The following UFD1 variants were observed in gnomAD, a reference collection of about 807,000 sequenced individuals.
The protein encoded by UFD1 is ubiquitin recognition factor in ER-associated degradation protein 1.
A neutral mutation model predicts 45.9 loss-of-function variants in UFD1; 13 were observed. The ratio of observed to expected loss-of-function variants is 0.28; its 90% CI spans 0.18 to 0.45. The LOEUF is 0.45. Ranked by LOEUF, UFD1 falls within the 20% of genes least tolerant of loss-of-function variation. The probability of loss-of-function intolerance (pLI) is 1.00; values close to 1 mark genes in which losing one functional copy is unlikely to be tolerated. For missense variants in UFD1, 218 were observed against 389.2 expected (o/e 0.56, Z 3.70); for synonymous variants, 128 against 139.2 (o/e 0.92, Z 0.56).
intron 7 of UFD1, among the ~76,000 whole-genome samples, chr22:19,457,504 C>G (rs1169962927): frequency 6.6e-6 from 1 of 152,164 alleles, no homozygotes; most frequent in East Asian, 1.9e-4. Context: ...AGTACGCTTC[C>G]TTAGCTCTTA....
In UFD1 at chr22:19,467,980, T is replaced by C. The variant is rs1033857176; in HGVS notation, c.315A>G (p.Glu105=). ...TCTCCACCTGGACCAGGCCGCCTTC[T>C]TCCAAGAGTAAGTTCTGCATCATCT... ...PHWMMQNLLL[E]EGGLVQVESV... is the part of the protein sequence containing the mutation. The change falls in exon 5 of 12, where the codon GAA becomes GAG. Residue 105 remains glutamate (E), a synonymous_variant. Coordinates refer to ENST00000263202, the MANE Select transcript of UFD1 (RefSeq NM_005659.7). The C allele has an allele frequency of 1.9e-6, 3 of 1,614,182 alleles. No individual in the cohort carries two copies. The highest frequency in any genetic ancestry group is 3.3e-5 in the Admixed American group (2 of 60,026).
chr22:19,470,741 C>T, intron 4 of UFD1: 1 of 456,504 alleles, frequency 2.2e-6, no homozygotes, highest in South Asian at 1.5e-5. Context: ...CGTACCTGGC[C>T]AGAATTTCAA....
intron 3 of UFD1, 73 bp from the exon 4 acceptor site, chr22:19,471,881 G>C: frequency 1.9e-6 from 3 of 1,553,324 alleles, no homozygotes; most frequent in Non-Finnish European, 2.6e-6. Flanking sequence ...CCTTCCCATA[G>C]AAGGAGCCTC....
In UFD1 at chr22:19,455,717, G is replaced by T. The variant is rs753377440; in HGVS notation, c.730C>A (p.Pro244Thr). Residue 244 changes from proline (P) to threonine (T), a missense_variant, in exon 10 of 12, where the codon CCC becomes ACC. Pro to Thr is a conservative substitution (Grantham distance 38, BLOSUM62 -1). Around this residue, in one of 2 missense-constraint regions of UFD1, gnomAD observed 69 missense variants for 81.7 expected, o/e 0.84. Transcript: ENST00000263202. Reference protein sequence around the residue: ...RLDGKKKGVEPSPSPIKPGDI... With the variant: ...RLDGKKKGVETSPSPIKPGDI... Reference sequence around the variant, plus strand: ...CCAGGCTTGATTGGGGAGGGGCTGGGCTCTACCCCTTTCTTCTTTCCATCC... The same window carrying T: ...CCAGGCTTGATTGGGGAGGGGCTGGTCTCTACCCCTTTCTTCTTTCCATCC... 7 of 1,614,080 alleles carry T rather than the reference G, an allele frequency of 4.3e-6. No individual in the cohort carries two copies. The highest frequency in any genetic ancestry group is 5.9e-6 in the Non-Finnish European group (7 of 1,179,978).
chr22:19,464,668 AC>A (rs1270670237), intron 6 of UFD1, among the ~76,000 whole-genome samples: 1 of 152,246 alleles, frequency 6.6e-6, no homozygotes, highest in Non-Finnish European at 1.5e-5. Flanking sequence ...CTAAGTGAAA[AC>A]GGAAGCTGAA....
At chr22:19,455,847 G>A (rs574909837) in intron 9 of UFD1, 79 bp from the exon 10 acceptor site, 285 of 1,369,306 alleles carry the variant, frequency 2.1e-4, no homozygotes, top group Middle Eastern at 1.3e-3. Flanking sequence ...TCACTGCAGG[G>A]ATGTGAGCTG....
At chr22:19,460,356 T>C (rs770650612) in intron 6 of UFD1, among the ~76,000 whole-genome samples, 3 of 152,208 alleles carry the variant, frequency 2.0e-5, no homozygotes, top group Non-Finnish European at 4.4e-5. Flanking sequence ...CCAACAGGGC[T>C]GCAAGCAGAA....
At chr22:19,471,033 G>A (rs936359149) in intron 4 of UFD1, among the ~76,000 whole-genome samples, 1 of 152,234 alleles carries the variant, frequency 6.6e-6, no homozygotes, top group Non-Finnish European at 1.5e-5. Flanking sequence ...AAGGAGCCAA[G>A]TGGGCCACAG....
intron 6 of UFD1, among the ~76,000 whole-genome samples, chr22:19,458,456 T>C (rs532004266): frequency 5.3e-4 from 80 of 152,254 alleles, no homozygotes; most frequent in Non-Finnish European, 2.2e-4. Context: ...TTTATTTATT[T>C]ATTTTTAGAC....
intron 11 of UFD1, chr22:19,453,829 G>C: frequency 2.0e-6 from 2 of 985,490 alleles, no homozygotes; most frequent in Non-Finnish European, 2.4e-6. Context: ...GTCCTGAATG[G>C]GTGGCTCAGT....
At chr22:19,464,295 G>C (rs780936427) in intron 6 of UFD1, among the ~76,000 whole-genome samples, 10 of 152,326 alleles carry the variant, frequency 6.6e-5, no homozygotes, top group Non-Finnish European at 1.2e-4. Flanking sequence ...TAGCTTCAGG[G>C]AAAGCCCAGC....
At chr22:19,471,854 C>T in intron 3 of UFD1, 46 bp from the exon 4 acceptor site, 1 of 1,589,950 alleles carries the variant, frequency 6.3e-7, no homozygotes, top group Admixed American at 1.7e-5. Flanking sequence ...TATGAAGGGA[C>T]ACCTGTTCGG....
Position 19,450,159 on chromosome 22 carries a change from A to G in UFD1, c.*511T>C, listed in dbSNP as rs776196696. On this transcript the variant is annotated 3_prime_UTR_variant, in exon 12 of 12. Coordinates refer to ENST00000263202, the MANE Select transcript of UFD1 (RefSeq NM_005659.7). ...AAAAATATGTAAAATAAAAATAGAA[A>G]CATTCTTTGTCAAATACTTAAATTG... 3 of 152,560 alleles carry G rather than the reference A, an allele frequency of 2.0e-5. No homozygotes were observed. The highest frequency in any genetic ancestry group is 4.8e-5 in the African/African-American group (2 of 41,452). 9.5% of individuals were successfully genotyped at this position (152,560 alleles called of 1,614,324 possible).
At chr22:19,458,807 C>T (rs2089743485) in intron 6 of UFD1, among the ~76,000 whole-genome samples, 1 of 152,140 alleles carries the variant, frequency 6.6e-6, no homozygotes, top group African/African-American at 2.4e-5. Flanking sequence ...AATGCTCATA[C>T]CAACGTCACT....
intron 11 of UFD1, chr22:19,452,048 T>G (rs1569325135): frequency 3.3e-6 from 2 of 614,912 alleles, no homozygotes; most frequent in Non-Finnish European, 4.1e-6. Flanking sequence ...TCCTTTTTTC[T>G]AATCTCATAT....
At position 19,470,667 on chromosome 22, in the gene UFD1, C is replaced by A. The variant is rs999489320; in HGVS notation, c.291+1020G>T. 3 of 447,276 alleles carry A rather than the reference C, an allele frequency of 6.7e-6. No individual in the cohort carries two copies. In the East Asian group the frequency reaches 2.1e-4, roughly 31 times the overall value. 27.7% of individuals were successfully genotyped at this position (447,276 alleles called of 1,614,324 possible). A position where few individuals can be genotyped will look rare whatever the true frequency, so the allele number is the denominator to read the frequency against. ...ATGTTGGCCAGGCTAGTCTCGAACT[C>A]CTGACCTCAAGTGATCTGCCCACTT... On this transcript the variant is annotated intron_variant, in intron 4 of 11. Transcript: ENST00000263202.
intron 11 of UFD1, chr22:19,453,287 A>G: frequency 2.0e-6 from 2 of 985,482 alleles, no homozygotes; most frequent in Non-Finnish European, 2.4e-6. Flanking sequence ...GGGGCTTCCA[A>G]AGCCTTGTAG....
chr22:19,453,622 G>A (rs2089699544), intron 11 of UFD1: 2 of 985,582 alleles, frequency 2.0e-6, no homozygotes, highest in Non-Finnish European at 2.4e-6. Context: ...GGAGGGTGAG[G>A]TCTGACTGGC....
intron 6 of UFD1, among the ~76,000 whole-genome samples, chr22:19,459,639 A>G (rs1404887669): frequency 6.6e-6 from 1 of 151,850 alleles, no homozygotes; most frequent in East Asian, 1.9e-4. Flanking sequence ...AAACAAGCAA[A>G]CAAACAAACT....
Sources: gnomAD v4.1 joint callset for allele counts (sites outside exome capture counted in the v4.1 genomes callset) on GRCh38, gnomAD v4.1.1 for gene constraint, gnomAD v4.1.1 regional missense constraint, MANE v1.5 for transcripts, NCBI Gene and HGNC (gene_info 2026-07-23, HGNC 2026-07-21) for gene names.